CDHR5: variants seen among roughly 807,000 people sequenced by gnomAD.
CDHR5 encodes the protein cadherin related family member 5.
Under a neutral mutation model 69.5 loss-of-function variants are expected in CDHR5, and 82 were observed. That is an observed-to-expected ratio of 1.18 (90% confidence interval 0.99 to 1.42). CDHR5 has a LOEUF of 1.42. Among genes scored for constraint, CDHR5 ranks in the 40% most tolerant of loss-of-function variants. CDHR5 has a pLI of 0.00. For missense variants in CDHR5, 1,293 were observed against 1,168.9 expected, an observed-to-expected ratio of 1.11 and a Z score of -1.55; for synonymous variants, 601 against 510.2, an observed-to-expected ratio of 1.18 and a Z score of -2.40.
chr11:617,099 G>T lies in CDHR5; in HGVS notation c.*252C>A. 1.9e-6 allele frequency: 1 copy of T among 537,292 alleles called. No homozygotes were observed. The highest frequency in any genetic ancestry group is 3.3e-6 in the Non-Finnish European group (1 of 304,002). The allele number at this position is 537,292 out of a possible 1,614,324, so 33.3% of individuals were successfully genotyped here. A position where few individuals can be genotyped will look rare whatever the true frequency, so the allele number is the denominator to read the frequency against. ...CCTCGGGAAGGCGGCGGGCACTGCA[G>T]GTGGTTTACGGGAAGTGCTGCAGCC... On this transcript the variant is annotated 3_prime_UTR_variant, in exon 15 of 15. Transcript: ENST00000397542.
In CDHR5 at chr11:621,303, G is replaced by A; in HGVS notation, c.618+42C>T. The A allele has an allele frequency of 6.2e-7, 1 of 1,611,050 alleles. No individual in the cohort carries two copies. ...GCCTGGGAGCAGCTGGGGCCGGGGG[G>A]CCTCAAGTGTGTGGGACTCGGGGCT... On this transcript the variant is annotated intron_variant, in intron 6 of 14. Transcript: ENST00000397542. The surrounding 1 kb of genome is among the most constrained non-coding windows in gnomAD (Gnocchi z 4.4).
Position 618,799 on chromosome 11 carries a change from C to G in CDHR5, c.1760G>C (p.Gly587Ala). The change falls in exon 13 of 15, where the codon GGA (glycine) becomes GCA (alanine). Residue 587 changes from glycine to alanine, a missense_variant. Coordinates refer to ENST00000397542, the MANE Select transcript of CDHR5 (RefSeq NM_021924.5). The part of the protein sequence containing the change: ...GTSQPMPPSM[G>A]TSTSHQPATP... ...GGCTGGTTGGTGGGAGGTGCTGGTTCCCATACTGGGGGGCATCGGCTGAGA... is the reference window on the plus strand; with the variant it reads ...GGCTGGTTGGTGGGAGGTGCTGGTTGCCATACTGGGGGGCATCGGCTGAGA... 1 of 1,602,152 alleles carries G rather than the reference C, an allele frequency of 6.2e-7. No homozygotes were observed. Among genetic ancestry groups the G allele is most frequent in the Non-Finnish European group, 8.5e-7 (1 of 1,176,938 alleles).
chr11:617,049 A>C lies in CDHR5; in HGVS notation c.*302T>G. On this transcript the variant is annotated 3_prime_UTR_variant, in exon 15 of 15. Transcript: ENST00000397542. ...GGGCTGTGGTTAGAGCGGGAGAGGA[A>C]CTTCCCAGACTAGCTGGCACAGAGC... is the stretch of plus-strand genomic sequence containing the variant. 1.2e-5 allele frequency: 5 copies of C among 423,330 alleles called. No homozygotes were observed. Among genetic ancestry groups the C allele is most frequent in the Admixed American group, 4.2e-5 (1 of 23,796 alleles). 26.2% of individuals were successfully genotyped at this position (423,330 alleles called of 1,614,324 possible).
In CDHR5 at chr11:621,524, C is replaced by T. The variant is rs567570216; in HGVS notation, c.507+38G>A. 45 of 1,591,866 alleles carry T rather than the reference C, an allele frequency of 2.8e-5. No homozygotes were observed. The highest frequency in any genetic ancestry group is 1.3e-4 in the Admixed American group (8 of 59,958). On this transcript the variant is annotated intron_variant, in intron 5 of 14. Coordinates refer to ENST00000397542, the MANE Select transcript of CDHR5 (RefSeq NM_021924.5). This position sits in a 1 kb window ranked among gnomAD's most constrained non-coding sequence, Gnocchi z 4.4. The stretch of plus-strand genomic sequence containing the variant: ...CGAGGGCGGCTGTGGGTGTCAGAGG[C>T]GAGGGGCTCGTGCTGGGGCAGGGTG...
Position 624,906 on chromosome 11 carries a change from G to T in CDHR5, c.-4C>A. The T allele has an allele frequency of 6.5e-7, 1 of 1,548,158 alleles. No individual in the cohort carries two copies. Among genetic ancestry groups the T allele is most frequent in the Non-Finnish European group, 8.7e-7 (1 of 1,149,702 alleles). On this transcript the variant is annotated 5_prime_UTR_variant, in exon 1 of 15. Coordinates refer to ENST00000397542, the MANE Select transcript of CDHR5 (RefSeq NM_021924.5). The surrounding 1 kb of genome is among the most constrained non-coding windows in gnomAD (Gnocchi z 5.3). ...ACAGCAGGGCCCAAGACCCCATCTT[G>T]GCGGCTGTCACCTGGCAGGAGGGTC...
In CDHR5 at chr11:621,642, CGGT is replaced by C. The variant is rs1564899429; in HGVS notation, c.424_426del (p.Thr142del). ...GCCTGCAGTTGCGTCTCGGGGATGA[CGGT>C]GGAGTTCACTTTCGTGTCCTGGGGA... On this transcript the variant is annotated inframe_deletion, in exon 5 of 15. Coordinates refer to ENST00000397542, the MANE Select transcript of CDHR5 (RefSeq NM_021924.5). This position sits in a 1 kb window ranked among gnomAD's most constrained non-coding sequence, Gnocchi z 4.4. 6.2e-7 allele frequency: 1 copy of C among 1,613,244 alleles called. No homozygotes were observed. Among genetic ancestry groups the C allele is most frequent in the Admixed American group, 1.7e-5 (1 of 60,006 alleles).
chr11:618,304 C>G (rs371157925), intron 13 of CDHR5, among the ~76,000 whole-genome samples, 193 bp from the exon 14 acceptor site: 1 of 152,230 alleles, frequency 6.6e-6, no homozygotes. Context: ...CCCCTCCCCC[C>G]CGGGAGGCCA....
rs148240719 is a variant in CDHR5 at position 619,036 on chromosome 11, G to C, written c.1523C>G (p.Thr508Arg). The C allele has an allele frequency of 1.2e-6, 2 of 1,613,190 alleles. No individual in the cohort carries two copies. Among genetic ancestry groups the C allele is most frequent in the East Asian group, 4.5e-5 (2 of 44,832 alleles). The change falls in exon 13 of 15, where the codon ACA (threonine) becomes AGA (arginine). Residue 508 changes from threonine (T) to arginine (R), a missense_variant. Coordinates refer to ENST00000397542, the MANE Select transcript of CDHR5 (RefSeq NM_021924.5). ...GGTGPHPPSG[T>R]TLRPPTSSTP... ...GGACGAGGTTGGTGGCCTCAGAGTTGTGCCAGAGGGTGGATGAGGGCCTGT... is the reference window on the plus strand; with the variant it reads ...GGACGAGGTTGGTGGCCTCAGAGTTCTGCCAGAGGGTGGATGAGGGCCTGT...
intron 9 of CDHR5, 60 bp downstream of exon 9, chr11:620,007 C>T: frequency 7.6e-7 from 1 of 1,320,652 alleles, no homozygotes; most frequent in South Asian, 1.4e-5. Flanking sequence ...GCCCTGACCC[C>T]CCGCCCTACC....
intron 3 of CDHR5, among the ~76,000 whole-genome samples, chr11:622,794 A>G (rs1485350011): frequency 1.3e-5 from 2 of 152,020 alleles, no homozygotes; most frequent in African/African-American, 4.8e-5. Flanking sequence ...TCTTTTTAGA[A>G]CATAACCACA....
intron 3 of CDHR5, among the ~76,000 whole-genome samples, chr11:622,340 C>T (rs953713188): frequency 2.6e-5 from 4 of 151,436 alleles, no homozygotes; most frequent in Admixed American, 2.0e-4. Context: ...GTGGCAGGTG[C>T]TCCACAGAAA....
rs1176399233 is a variant in CDHR5 at position 617,118 on chromosome 11, T to C, written c.*233A>G. Reference sequence around the variant, plus strand: ...ACTGCAGGTGGTTTACGGGAAGTGCTGCAGCCTTGGGGTGGGGACAGCGTG... The same window carrying C: ...ACTGCAGGTGGTTTACGGGAAGTGCCGCAGCCTTGGGGTGGGGACAGCGTG... On this transcript the variant is annotated 3_prime_UTR_variant, in exon 15 of 15. Transcript: ENST00000397542. 7 of 555,988 alleles carry C rather than the reference T, an allele frequency of 1.3e-5. No individual in the cohort carries two copies. The African/African-American group carries it at 1.4e-4, about 11-fold the overall frequency. 34.4% of individuals were successfully genotyped at this position (555,988 alleles called of 1,614,324 possible).
rs1857185829 is a variant in CDHR5 at position 619,063 on chromosome 11, C to T, written c.1496G>A (p.Gly499Asp). The change falls in exon 13 of 15, where the codon GGC becomes GAC. Residue 499 changes from glycine (G) to aspartate (D), a missense_variant. Transcript: ENST00000397542. ...QGPSTTSSGG[G>D]TGPHPPSGTT... ...GCCAGAGGGTGGATGAGGGCCTGTG[C>T]CTCCCCCAGAGCTGGTCGTGGAGGG... 1 of 1,612,702 alleles carries T rather than the reference C, an allele frequency of 6.2e-7. No homozygotes were observed. Among genetic ancestry groups the T allele is most frequent in the African/African-American group, 1.3e-5 (1 of 74,802 alleles).
At chr11:619,416 C>A (rs1310747803) in intron 11 of CDHR5, 26 bp from the exon 12 acceptor site, 2 of 1,608,984 alleles carry the variant, frequency 1.2e-6, no homozygotes, top group Non-Finnish European at 1.7e-6. Context: ...GCTTGTCCCT[C>A]CTAGACACAT....
chr11:618,379 G>C (rs61877858), intron 13 of CDHR5, among the ~76,000 whole-genome samples: 3 of 152,188 alleles, frequency 2.0e-5, no homozygotes, highest in African/African-American at 7.2e-5. Context: ...CGTGGGAATC[G>C]TGGGATTCGC....
chr11:620,684 C>T (rs1857321825), intron 7 of CDHR5, among the ~76,000 whole-genome samples: 1 of 152,192 alleles, frequency 6.6e-6, no homozygotes, highest in Non-Finnish European at 1.5e-5. Flanking sequence ...CCGGGGTCTG[C>T]ATTTCTGCCT....
chr11:619,395 G>A lies in CDHR5; in HGVS notation c.1294-5C>T, dbSNP rs762455894. ...CACCGTGTTGTGGGCCTCAACCTGG[G>A]GCAGGAAGGGGCTTGTCCCTCCTAG... is the stretch of plus-strand genomic sequence containing the variant. On this transcript the variant is annotated splice_region_variant and splice_polypyrimidine_tract_variant and intron_variant, in intron 11 of 14. Transcript: ENST00000397542. The A allele has an allele frequency of 2.0e-5, 33 of 1,612,664 alleles. No individual in the cohort carries two copies. The highest frequency in any genetic ancestry group is 2.0e-4 in the Admixed American group (12 of 59,948).
Position 621,525 on chromosome 11 carries a change from G to T in CDHR5, c.507+37C>A. The T allele has an allele frequency of 6.3e-7, 1 of 1,591,584 alleles. No individual in the cohort carries two copies. The highest frequency in any genetic ancestry group is 8.6e-7 in the Non-Finnish European group (1 of 1,159,686). On this transcript the variant is annotated intron_variant, in intron 5 of 14. Transcript: ENST00000397542. This position sits in a 1 kb window ranked among gnomAD's most constrained non-coding sequence, Gnocchi z 4.4. ...GAGGGCGGCTGTGGGTGTCAGAGGC[G>T]AGGGGCTCGTGCTGGGGCAGGGTGG...
intron 7 of CDHR5, among the ~76,000 whole-genome samples, chr11:620,871 C>T (rs1384973161): frequency 6.6e-6 from 1 of 152,176 alleles, no homozygotes; most frequent in Non-Finnish European, 1.5e-5. Context: ...GCCCACGCTC[C>T]TCCCTGTGTG....
Sources: allele counts gnomAD v4.1 joint callset (sites outside exome capture counted in the v4.1 genomes callset), GRCh38; gene constraint gnomAD v4.1.1; non-coding constraint Gnocchi (gnomAD v3.1); transcripts MANE v1.5; gene names NCBI Gene and HGNC (gene_info 2026-07-23, HGNC 2026-07-21).